Variants in CNTN5 observed in about 807,000 individuals in gnomAD.
CNTN5 encodes the protein contactin-5.
A neutral mutation model predicts 129.1 loss-of-function variants in CNTN5; 77 were observed. The ratio of observed to expected loss-of-function variants is 0.60; its 90% CI spans 0.50 to 0.72. The LOEUF (loss-of-function observed/expected upper bound fraction) is 0.72, where lower values mean the gene tolerates loss of function less well. CNTN5 is among the 30% of genes least tolerant of loss of function. The probability of loss-of-function intolerance (pLI) is 0.00; values close to 1 mark genes in which losing one functional copy is unlikely to be tolerated. For missense variants in CNTN5, 1,478 were observed against 1,328.8 expected, an observed-to-expected ratio of 1.11 and a Z score of -1.75; for synonymous variants, 509 against 465.6, an observed-to-expected ratio of 1.09 and a Z score of -1.20.
At chr11:100,102,796 T>C (rs1050844534) in intron 13 of CNTN5, among the ~76,000 whole-genome samples, 30 of 152,178 alleles carry the variant, frequency 2.0e-4, no homozygotes, top group African/African-American at 7.2e-4. Flanking sequence ...TTGATCATAG[T>C]GTATGACTTT....
chr11:99,628,702 C>T (rs1295904107), intron 3 of CNTN5, among the ~76,000 whole-genome samples: 2 of 111,616 alleles, frequency 1.8e-5, no homozygotes, highest in African/African-American at 6.1e-5. Context: ...GCTCATAAAT[C>T]TTATAGGTAA....
At chr11:99,543,908 G>A (rs193007565) in intron 2 of CNTN5, among the ~76,000 whole-genome samples, 67 of 97,226 alleles carry the variant, frequency 6.9e-4, no homozygotes, top group African/African-American at 2.5e-3. Context: ...GTAACAGAGA[G>A]AGTCTGTCTC....
intron 8 of CNTN5, among the ~76,000 whole-genome samples, chr11:99,997,202 T>C (rs1341364531): frequency 2.0e-5 from 3 of 152,204 alleles, no homozygotes; most frequent in African/African-American, 7.2e-5. Context: ...CTGGATTCAT[T>C]AACTTTTTGA....
At chr11:99,827,335 C>A (rs181728929) in intron 4 of CNTN5, among the ~76,000 whole-genome samples, 1 of 152,272 alleles carries the variant, frequency 6.6e-6, no homozygotes, top group South Asian at 2.1e-4. Context: ...GCGATCCACG[C>A]ACCTTGACCT....
intron 3 of CNTN5, among the ~76,000 whole-genome samples, chr11:99,773,541 G>A (rs1406324082): frequency 2.0e-5 from 3 of 151,750 alleles, no homozygotes; most frequent in Non-Finnish European, 4.4e-5. Context: ...ATTAATTTTT[G>A]AAGAATTTTT....
chr11:99,372,982 G>A (rs766405727), intron 2 of CNTN5, among the ~76,000 whole-genome samples: 3 of 152,194 alleles, frequency 2.0e-5, no homozygotes, highest in Non-Finnish European at 4.4e-5. Flanking sequence ...GCCCAGGTGG[G>A]TGGATCACCT....
intron 3 of CNTN5, among the ~76,000 whole-genome samples, chr11:99,653,720 A>C (rs1952243123): frequency 6.6e-6 from 1 of 152,086 alleles, no homozygotes; most frequent in Non-Finnish European, 1.5e-5. Flanking sequence ...TGCACTTTGA[A>C]AGCAATGCTT....
chr11:99,231,012 T>G (rs1488997160), intron 1 of CNTN5, among the ~76,000 whole-genome samples: 3 of 152,170 alleles, frequency 2.0e-5, no homozygotes, highest in South Asian at 4.1e-4. Context: ...GCATAATATA[T>G]CATGGTATAT....
At chr11:99,629,812 T>A (rs960220061) in intron 3 of CNTN5, among the ~76,000 whole-genome samples, 9 of 151,778 alleles carry the variant, frequency 5.9e-5, no homozygotes, top group African/African-American at 2.2e-4. Context: ...CAAATAAATG[T>A]TAGAGTGGAG....
At chr11:100,046,868 A>C (rs1942708646) in intron 9 of CNTN5, among the ~76,000 whole-genome samples, 3 of 152,176 alleles carry the variant, frequency 2.0e-5, no homozygotes, top group South Asian at 2.1e-4. Flanking sequence ...AGAATAAAAA[A>C]CAGTGAAGTT....
intron 1 of CNTN5, among the ~76,000 whole-genome samples, chr11:99,299,811 G>T (rs765439857): frequency 6.6e-6 from 1 of 152,068 alleles, no homozygotes; most frequent in Non-Finnish European, 1.5e-5. Flanking sequence ...ACCTGTTTAG[G>T]GACATATCAT....
chr11:100,289,971 CA>C (rs1950917873), intron 18 of CNTN5, among the ~76,000 whole-genome samples: 1 of 151,316 alleles, frequency 6.6e-6, no homozygotes, highest in Non-Finnish European at 1.5e-5. Flanking sequence ...CAACAACAGA[CA>C]GAGAGCCAAA....
At chr11:99,322,370 G>A (rs1346790229) in intron 1 of CNTN5, among the ~76,000 whole-genome samples, 1 of 152,080 alleles carries the variant, frequency 6.6e-6, no homozygotes, top group African/African-American at 2.4e-5. Flanking sequence ...AAGGTAATTT[G>A]TAGCAAGTTT....
In CNTN5 at chr11:100,081,034, C is replaced by G. The variant is rs551088722; in HGVS notation, c.1580+6740C>G. Among the ~76,000 whole-genome samples the G allele has an allele frequency of 9.9e-5, 15 of 152,130 alleles. No individual in the cohort carries two copies. In the East Asian group the frequency reaches 2.9e-3, roughly 29 times the overall value. On this transcript the variant is annotated intron_variant, in intron 13 of 24. Transcript: ENST00000524871. ...ACTTAAGGGGATGAGAAGGAAATGG[C>G]CTTACATTCATTATGATGAGATTAA...
intron 4 of CNTN5, among the ~76,000 whole-genome samples, chr11:99,837,707 T>TC (rs1947351954): frequency 6.9e-6 from 1 of 145,318 alleles, no homozygotes; most frequent in African/African-American, 2.5e-5. Flanking sequence ...AAAAAAAACC[T>TC]ATCAAATATC....
intron 6 of CNTN5, among the ~76,000 whole-genome samples, chr11:99,910,700 C>G (rs1949635786): frequency 6.6e-6 from 1 of 152,058 alleles, no homozygotes; most frequent in African/African-American, 2.4e-5. Context: ...TATCTACTTC[C>G]AGGAAGCCTG....
intron 13 of CNTN5, among the ~76,000 whole-genome samples, chr11:100,119,324 C>T (rs1008055633): frequency 3.3e-5 from 5 of 151,806 alleles, no homozygotes; most frequent in African/African-American, 1.2e-4. Context: ...TTGGGGGTCC[C>T]TAAGAAGCAA....
intron 13 of CNTN5, among the ~76,000 whole-genome samples, chr11:100,133,157 C>T (rs1355551596): frequency 6.6e-6 from 1 of 152,090 alleles, no homozygotes; most frequent in Non-Finnish European, 1.5e-5. Flanking sequence ...TGTTTATATG[C>T]AGTCATTGGC....
chr11:99,323,021 A>G (rs1032900076), intron 1 of CNTN5, among the ~76,000 whole-genome samples: 1 of 152,198 alleles, frequency 6.6e-6, no homozygotes, highest in African/African-American at 2.4e-5. Flanking sequence ...GATTTGGTCT[A>G]GCTTTCAAAG....
Sources: gnomAD v4.1 joint callset for allele counts (sites outside exome capture counted in the v4.1 genomes callset) on GRCh38, gnomAD v4.1.1 for gene constraint, MANE v1.5 for transcripts, NCBI Gene and HGNC (gene_info 2026-07-23, HGNC 2026-07-21) for gene names.